Variants in SLC44A5 observed in about 807,000 individuals in gnomAD.
The protein encoded by SLC44A5 is choline transporter-like protein 5.
Under a neutral mutation model 101.8 loss-of-function variants are expected in SLC44A5, and 57 were observed. The observed-to-expected ratio is 0.56, with a 90% CI of 0.45 to 0.70. SLC44A5 has a LOEUF of 0.70. SLC44A5 is among the 30% of genes least tolerant of loss of function. The pLI is 0.00. For missense variants in SLC44A5, 737 were observed against 853.1 expected (o/e 0.86, Z 1.70); for synonymous variants, 281 against 290.9 (o/e 0.97, Z 0.35).
At chr1:75,717,630 G>C in the SLC44A5 span, among the ~76,000 whole-genome samples, 1 of 152,098 alleles carries the variant, frequency 6.6e-6, no homozygotes, top group Non-Finnish European at 1.5e-5. Flanking sequence ...AAAAAATAAG[G>C]TGAATTTAAA....
chr1:75,645,088 T>C, the SLC44A5 span, among the ~76,000 whole-genome samples: 74,555 of 151,832 alleles, frequency 0.49, 19,548 homozygotes, highest in East Asian at 0.93. Flanking sequence ...AATAAACATA[T>C]GTGTGCATGT....
intron 1 of SLC44A5, among the ~76,000 whole-genome samples, chr1:75,567,973 T>G (rs1347173585): frequency 6.6e-6 from 1 of 152,172 alleles, no homozygotes; most frequent in Non-Finnish European, 1.5e-5. Flanking sequence ...GCTGCAATAA[T>G]GAGCACAGAC....
At chr1:75,562,508 G>A (rs889635161) in intron 1 of SLC44A5, among the ~76,000 whole-genome samples, 1 of 151,894 alleles carries the variant, frequency 6.6e-6, no homozygotes, top group African/African-American at 2.4e-5. Context: ...GGCCAGCCTG[G>A]GCAACATGGA....
At chr1:75,392,853 A>T (rs1034035980) in intron 3 of SLC44A5, among the ~76,000 whole-genome samples, 3 of 152,210 alleles carry the variant, frequency 2.0e-5, no homozygotes, top group Non-Finnish European at 4.4e-5. Context: ...CCTTTGAAGC[A>T]ACATGGATGT....
chr1:75,517,316 GGAGA>G (rs376458377), intron 2 of SLC44A5, among the ~76,000 whole-genome samples: 6 of 151,796 alleles, frequency 4.0e-5, no homozygotes, highest in Non-Finnish European at 8.8e-5. Flanking sequence ...TGAGAGGGAG[GGAGA>G]GAGAGAGAAA....
chr1:75,243,053 A>C, intron 7 of SLC44A5, 42 bp from the exon 8 acceptor site: 1 of 1,556,144 alleles, frequency 6.4e-7, no homozygotes, highest in Non-Finnish European at 8.7e-7. Context: ...TGAGTTGAAC[A>C]AACCCAGGAA....
At chr1:75,681,932 G>A in the SLC44A5 span, among the ~76,000 whole-genome samples, 20 of 152,212 alleles carry the variant, frequency 1.3e-4, no homozygotes, top group Admixed American at 3.3e-4. Context: ...AAATCAATGT[G>A]CAAAAATCAC....
At chr1:75,716,993 C>A in the SLC44A5 span, among the ~76,000 whole-genome samples, 5 of 151,432 alleles carry the variant, frequency 3.3e-5, no homozygotes, top group African/African-American at 1.2e-4. Context: ...GAGATCGCGC[C>A]ACTGCACTCC....
intron 2 of SLC44A5, among the ~76,000 whole-genome samples, chr1:75,524,659 G>A (rs1401720792): frequency 6.6e-6 from 1 of 152,110 alleles, no homozygotes; most frequent in Non-Finnish European, 1.5e-5. Context: ...ATAAGAGAAT[G>A]CGAAAATAAA....
At chr1:75,310,353 C>T (rs961141217) in intron 4 of SLC44A5, among the ~76,000 whole-genome samples, 1 of 152,132 alleles carries the variant, frequency 6.6e-6, no homozygotes, top group African/African-American at 2.4e-5. Context: ...GTTTATGCCT[C>T]ATGTCACAAG....
chr1:75,246,320 T>C (rs1204700347), intron 7 of SLC44A5, among the ~76,000 whole-genome samples: 2 of 152,120 alleles, frequency 1.3e-5, no homozygotes, highest in East Asian at 3.9e-4. Flanking sequence ...TATTTTGTTT[T>C]ATCATAGGAA....
At chr1:75,554,747 C>T (rs780053899) in intron 1 of SLC44A5, among the ~76,000 whole-genome samples, 31 of 151,246 alleles carry the variant, frequency 2.0e-4, no homozygotes, top group Non-Finnish European at 3.5e-4. Flanking sequence ...TGGTTTTAAA[C>T]AAAAATATAA....
chr1:75,376,496 G>T (rs922736620), intron 3 of SLC44A5, among the ~76,000 whole-genome samples: 16 of 152,196 alleles, frequency 1.1e-4, no homozygotes, highest in African/African-American at 3.9e-4. Context: ...ATCTGAGAAC[G>T]GGCAGACTGC....
intron 3 of SLC44A5, among the ~76,000 whole-genome samples, chr1:75,344,817 T>A (rs1427971694): frequency 6.6e-6 from 1 of 152,132 alleles, no homozygotes; most frequent in East Asian, 1.9e-4. Flanking sequence ...ATTTGTGTTT[T>A]TCTAAGCCAC....
the SLC44A5 span, among the ~76,000 whole-genome samples, chr1:75,712,202 C>T: frequency 2.6e-5 from 4 of 152,302 alleles, no homozygotes; most frequent in East Asian, 7.7e-4. Flanking sequence ...TTTGGTAAAT[C>T]TCAGCTCCTT....
At chr1:75,630,811 G>C in the SLC44A5 span, among the ~76,000 whole-genome samples, 2 of 152,196 alleles carry the variant, frequency 1.3e-5, no homozygotes, top group Non-Finnish European at 2.9e-5. Context: ...CTGAGGTTCA[G>C]AGGAATTGGC....
chr1:75,227,766 T>C lies in SLC44A5; in HGVS notation c.945A>G (p.Ile315Met), dbSNP rs1042966255. 1 of 1,584,556 alleles carries C rather than the reference T, an allele frequency of 6.3e-7. No homozygotes were observed. The highest frequency in any genetic ancestry group is 8.5e-7 in the Non-Finnish European group (1 of 1,171,994). Residue 315 changes from isoleucine (I) to methionine (M), a missense_variant, in exon 13 of 24, where the codon ATA becomes ATG. Transcript: ENST00000370859. The part of the protein sequence containing the change: ...TIYDIGIQTN[I>M]SMYFELQQTW... Reference sequence around the variant, plus strand: ...TTTGTTGCAGTTCAAAGTACATGCTTATGTTAGTCTGAATCCCGATGTCAT... The same window carrying C: ...TTTGTTGCAGTTCAAAGTACATGCTCATGTTAGTCTGAATCCCGATGTCAT...
chr1:75,212,294 T>C (rs748324992), intron 22 of SLC44A5, among the ~76,000 whole-genome samples: 5 of 152,150 alleles, frequency 3.3e-5, no homozygotes, highest in Non-Finnish European at 5.9e-5. Context: ...ATCACCCAAG[T>C]AACAAGCCTA....
At chr1:75,657,232 T>G in the SLC44A5 span, among the ~76,000 whole-genome samples, 15 of 152,082 alleles carry the variant, frequency 9.9e-5, no homozygotes, top group African/African-American at 2.4e-5. Context: ...GAAACTCACT[T>G]CACATATAAA....
Sources: gnomAD v4.1 joint callset for allele counts (sites outside exome capture counted in the v4.1 genomes callset) on GRCh38, gnomAD v4.1.1 for gene constraint, MANE v1.5 for transcripts, NCBI Gene and HGNC (gene_info 2026-07-23, HGNC 2026-07-21) for gene names.